The following KLHL1 variants were observed in gnomAD, a reference collection of about 807,000 sequenced individuals.
The protein encoded by KLHL1 is kelch like family member 1.
KLHL1 carries 47 observed loss-of-function variants against 77.7 expected under a neutral mutation model. The ratio of observed to expected loss-of-function variants is 0.60; its 90% CI spans 0.48 to 0.77. KLHL1 has a LOEUF of 0.77. Ranked by LOEUF, KLHL1 falls within the 30% of genes least tolerant of loss-of-function variation. The pLI, the probability that KLHL1 is intolerant of heterozygous loss-of-function variation, is 0.00. For missense variants in KLHL1, 925 were observed against 910.8 expected, an observed-to-expected ratio of 1.02 and a Z score of -0.20; for synonymous variants, 360 against 325.2, an observed-to-expected ratio of 1.11 and a Z score of -1.15.
chr13:70,011,663 C>T (rs1054115013), intron 1 of KLHL1, among the ~76,000 whole-genome samples: 1 of 152,142 alleles, frequency 6.6e-6, no homozygotes, highest in South Asian at 2.1e-4. Context: ...TGCAGACACC[C>T]ATTTGAGAGA....
chr13:69,923,559 A>G (rs1370359598), intron 4 of KLHL1, among the ~76,000 whole-genome samples: 3 of 152,196 alleles, frequency 2.0e-5, no homozygotes, highest in Admixed American at 6.5e-5. Context: ...AATTAAAATG[A>G]TTATTATTAC....
intron 10 of KLHL1, among the ~76,000 whole-genome samples, chr13:69,702,329 T>A (rs1340725656): frequency 6.6e-6 from 1 of 151,672 alleles, no homozygotes; most frequent in East Asian, 1.9e-4. Flanking sequence ...GAGAACTGAG[T>A]ATTTTTTAAT....
chr13:69,732,270 A>T (rs1043167746), intron 8 of KLHL1, among the ~76,000 whole-genome samples: 1 of 152,150 alleles, frequency 6.6e-6, no homozygotes, highest in Non-Finnish European at 1.5e-5. Flanking sequence ...ATATATCTCA[A>T]ATCAGAGAAC....
At chr13:70,042,182 C>A (rs925628373) in intron 1 of KLHL1, among the ~76,000 whole-genome samples, 38 of 152,168 alleles carry the variant, frequency 2.5e-4, no homozygotes, top group African/African-American at 9.2e-4. Context: ...GAAAGTACCA[C>A]CGTGTCATTG....
intron 7 of KLHL1, among the ~76,000 whole-genome samples, chr13:69,787,108 C>G (rs891891808): frequency 1.3e-5 from 2 of 152,118 alleles, no homozygotes; most frequent in Non-Finnish European, 2.9e-5. Flanking sequence ...AGATTCAATG[C>G]CATCCCCATC....
chr13:69,790,697 C>T (rs1276512268), intron 7 of KLHL1, among the ~76,000 whole-genome samples: 2 of 152,000 alleles, frequency 1.3e-5, no homozygotes, highest in African/African-American at 2.4e-5. Flanking sequence ...AGACAAAAAT[C>T]ACATGCATAT....
chr13:69,782,323 T>C (rs1393185175), intron 7 of KLHL1, among the ~76,000 whole-genome samples: 1 of 152,212 alleles, frequency 6.6e-6, no homozygotes, highest in Non-Finnish European at 1.5e-5. Flanking sequence ...CGCAGGTCAG[T>C]GGGTGCAGCG....
chr13:69,803,076 T>C (rs936940593), intron 6 of KLHL1: 2 of 152,174 alleles, frequency 1.3e-5, no homozygotes, highest in African/African-American at 2.4e-5. Context: ...GAATTCATGA[T>C]ATGTATATTA....
chr13:69,706,694 G>A (rs2137872239), intron 10 of KLHL1, among the ~76,000 whole-genome samples: 1 of 152,010 alleles, frequency 6.6e-6, no homozygotes, highest in East Asian at 1.9e-4. Flanking sequence ...TAGATTTCTG[G>A]TAAAAGCGAG....
chr13:69,809,464 C>T (rs987385109), intron 6 of KLHL1, among the ~76,000 whole-genome samples: 1 of 152,024 alleles, frequency 6.6e-6, no homozygotes, highest in African/African-American at 2.4e-5. Context: ...AACAAAGCTT[C>T]ATAAATAAAG....
chr13:69,816,216 T>C (rs1329072970), intron 6 of KLHL1, among the ~76,000 whole-genome samples: 2 of 151,848 alleles, frequency 1.3e-5, no homozygotes, highest in African/African-American at 4.8e-5. Context: ...CAGCTGTGTG[T>C]GAATGCAATT....
intron 8 of KLHL1, among the ~76,000 whole-genome samples, chr13:69,727,376 G>A (rs926672320): frequency 6.6e-6 from 1 of 152,024 alleles, no homozygotes; most frequent in Non-Finnish European, 1.5e-5. Context: ...TATTGAGCAG[G>A]AAACTAAGTG....
intron 5 of KLHL1, among the ~76,000 whole-genome samples, chr13:69,866,955 A>G (rs926684716): frequency 2.0e-5 from 3 of 152,074 alleles, no homozygotes; most frequent in Admixed American, 6.6e-5. Context: ...ACGTTTAATC[A>G]TTACACATAT....
At position 70,107,576 on chromosome 13, in the gene KLHL1, C is replaced by A. The variant is rs370644626; in HGVS notation, c.124G>T (p.Gly42Cys). Reference protein sequence around the residue: ...PAGGGCLQQDGSGSFEHWGPS... With the variant: ...PAGGGCLQQDCSGSFEHWGPS... The stretch of plus-strand genomic sequence containing the variant: ...CCCCAGTGCTCAAAGCTGCCACTGC[C>A]GTCCTGTTGCAGGCAGCCTCCCCCC... Residue 42 changes from glycine to cysteine, a missense_variant, in exon 1 of 11, where the codon GGC becomes TGC. By Grantham distance (159) the Gly-to-Cys change is radical. Transcript: ENST00000377844. 5.6e-6 allele frequency: 9 copies of A among 1,605,106 alleles called. No homozygotes were observed. Among genetic ancestry groups the A allele is most frequent in the South Asian group, 3.3e-5 (3 of 89,672 alleles).
At chr13:69,919,538 T>C (rs1310294906) in intron 4 of KLHL1, among the ~76,000 whole-genome samples, 1 of 150,716 alleles carries the variant, frequency 6.6e-6, no homozygotes, top group African/African-American at 2.5e-5. Flanking sequence ...AAATGTACTT[T>C]GGGTACATTA....
chr13:69,763,991 C>G (rs923106173), intron 7 of KLHL1, among the ~76,000 whole-genome samples: 1 of 152,068 alleles, frequency 6.6e-6, no homozygotes, highest in African/African-American at 2.4e-5. Flanking sequence ...GCTCTATTGC[C>G]TAGTGGGATT....
chr13:69,846,778 G>T (rs929293149), intron 5 of KLHL1, among the ~76,000 whole-genome samples: 2 of 151,366 alleles, frequency 1.3e-5, no homozygotes, highest in Non-Finnish European at 3.0e-5. Flanking sequence ...ATTGCTGAGT[G>T]TTTTAATCCT....
intron 6 of KLHL1, among the ~76,000 whole-genome samples, chr13:69,826,755 AAAAT>A (rs1878566253): frequency 1.4e-5 from 2 of 147,862 alleles, no homozygotes; most frequent in East Asian, 1.9e-4. Flanking sequence ...TTTAAATTGA[AAAAT>A]AAATAAAAGT....
At chr13:69,838,479 T>C (rs7317505) in intron 6 of KLHL1, among the ~76,000 whole-genome samples, 12,257 of 151,862 alleles carry the variant, frequency 0.081, 923 homozygotes, top group African/African-American at 0.2. Context: ...ACAAATAATT[T>C]ATTTTCTTTT....
Sources: allele counts gnomAD v4.1 joint callset (sites outside exome capture counted in the v4.1 genomes callset), GRCh38; gene constraint gnomAD v4.1.1; transcripts MANE v1.5; gene names NCBI Gene and HGNC (gene_info 2026-07-23, HGNC 2026-07-21).